The following RFX3 variants were observed in gnomAD, a reference collection of about 807,000 sequenced individuals.
The protein encoded by RFX3 is regulatory factor X3, also known as transcription factor RFX3.
In RFX3, 14 loss-of-function variants were observed where a neutral mutation model predicts 98.6. The ratio of observed to expected loss-of-function variants is 0.14; its 90% CI spans 0.09 to 0.22. The LOEUF (loss-of-function observed/expected upper bound fraction) is 0.22. RFX3 is among the 10% of genes least tolerant of loss of function. The probability of loss-of-function intolerance (pLI) is 1.00; values close to 1 mark genes in which losing one functional copy is unlikely to be tolerated. For missense variants in RFX3, 639 were observed against 926.9 expected (o/e 0.69, Z 4.03); for synonymous variants, 383 against 328.4 (o/e 1.17, Z -1.80).
At chr9:3,423,999 T>C (rs1427252667) in intron 1 of RFX3, among the ~76,000 whole-genome samples, 6 of 151,138 alleles carry the variant, frequency 4.0e-5, no homozygotes, top group African/African-American at 1.2e-4. Context: ...TACAAAAAAT[T>C]AGCCGGGCGT....
intron 1 of RFX3, chr9:3,420,872 T>C (rs1053596852): frequency 3.0e-6 from 3 of 984,914 alleles, no homozygotes; most frequent in East Asian, 1.1e-4. Context: ...GATCCTGATC[T>C]GCACAACCAA....
chr9:3,358,977 C>G (rs1166520310), intron 2 of RFX3, among the ~76,000 whole-genome samples: 2 of 151,668 alleles, frequency 1.3e-5, no homozygotes, highest in Non-Finnish European at 2.9e-5. Flanking sequence ...CCGGTCCCAC[C>G]CTTGACACAT....
At chr9:3,362,669 G>A (rs1169167141) in intron 2 of RFX3, among the ~76,000 whole-genome samples, 1 of 152,306 alleles carries the variant, frequency 6.6e-6, no homozygotes, top group East Asian at 1.9e-4. Flanking sequence ...TGAACTTCTT[G>A]AGAAGAATAA....
chr9:3,388,607 GT>G (rs1459121909), intron 2 of RFX3, among the ~76,000 whole-genome samples: 2 of 151,918 alleles, frequency 1.3e-5, no homozygotes, highest in African/African-American at 2.4e-5. Flanking sequence ...AAAAACAAAT[GT>G]TCTTTCCTGA....
chr9:3,244,825 T>C (rs1820427560), intron 15 of RFX3, among the ~76,000 whole-genome samples: 1 of 152,236 alleles, frequency 6.6e-6, no homozygotes, highest in Admixed American at 6.5e-5. Context: ...TATGTAAATA[T>C]GTATCCCCCA....
intron 2 of RFX3, among the ~76,000 whole-genome samples, chr9:3,355,721 C>A (rs1046457528): frequency 1.3e-5 from 2 of 151,812 alleles, no homozygotes; most frequent in African/African-American, 4.8e-5. Context: ...TATGTAACAA[C>A]AGCAGAACAG....
chr9:3,315,941 G>A (rs970761699), intron 4 of RFX3, among the ~76,000 whole-genome samples: 1 of 152,142 alleles, frequency 6.6e-6, no homozygotes, highest in African/African-American at 2.4e-5. Flanking sequence ...AATTCTACTA[G>A]AGGTACAAAG....
intron 15 of RFX3, among the ~76,000 whole-genome samples, chr9:3,235,626 C>G (rs572239243): frequency 9.2e-4 from 140 of 152,240 alleles, no homozygotes; most frequent in Middle Eastern, 6.8e-3. Context: ...TTTTTTACCT[C>G]TTTTTCAGCT....
At chr9:3,225,375 C>G (rs188304951) in intron 16 of RFX3, 95 bp from the exon 17 acceptor site, 5 of 1,514,500 alleles carry the variant, frequency 3.3e-6, no homozygotes, top group South Asian at 2.6e-5. Context: ...TAGGACATTA[C>G]GAAAGCAACA....
At chr9:3,267,005 G>A (rs1199140726) in intron 11 of RFX3, among the ~76,000 whole-genome samples, 1 of 151,932 alleles carries the variant, frequency 6.6e-6, no homozygotes, top group African/African-American at 2.4e-5. Context: ...CTGAAATAGG[G>A]ATAGGTCCCA....
At chr9:3,283,859 T>A (rs1473266665) in intron 7 of RFX3, among the ~76,000 whole-genome samples, 1 of 151,662 alleles carries the variant, frequency 6.6e-6, no homozygotes. Flanking sequence ...TTTTATTACG[T>A]GTATTTCTGT....
At chr9:3,427,600 T>C (rs1050678987) in intron 1 of RFX3, among the ~76,000 whole-genome samples, 3 of 151,640 alleles carry the variant, frequency 2.0e-5, no homozygotes, top group African/African-American at 7.3e-5. Flanking sequence ...GTATAATTAC[T>C]GTCTAAACAC....
At chr9:3,251,901 T>G (rs377152706) in intron 14 of RFX3, among the ~76,000 whole-genome samples, 1 of 151,994 alleles carries the variant, frequency 6.6e-6, no homozygotes, top group Admixed American at 6.6e-5. Context: ...CAGGCTGGAG[T>G]GCAATGGCAT....
intron 1 of RFX3, among the ~76,000 whole-genome samples, chr9:3,476,170 A>G (rs1179882576): frequency 6.7e-6 from 1 of 149,694 alleles, no homozygotes; most frequent in African/African-American, 2.4e-5. Context: ...ATACTCATAT[A>G]TAATATATAT....
At chr9:3,361,867 A>G (rs1204618802) in intron 2 of RFX3, among the ~76,000 whole-genome samples, 1 of 152,044 alleles carries the variant, frequency 6.6e-6, no homozygotes, top group Non-Finnish European at 1.5e-5. Context: ...GGATTGCTTT[A>G]GCCCGGGAGG....
chr9:3,494,983 G>A (rs1850999916), intron 1 of RFX3, among the ~76,000 whole-genome samples: 1 of 151,948 alleles, frequency 6.6e-6, no homozygotes, highest in African/African-American at 2.4e-5. Context: ...GACAAGTTTG[G>A]TAGTTTAATT....
intron 1 of RFX3, among the ~76,000 whole-genome samples, chr9:3,504,956 ATT>A (rs1192241877): frequency 0.018 from 1,125 of 61,452 alleles, 96 homozygotes; most frequent in African/African-American, 0.082. Flanking sequence ...TATAATATAT[ATT>A]ATATATAATA....
At chr9:3,260,449 T>C (rs1259300109) in intron 13 of RFX3, among the ~76,000 whole-genome samples, 1 of 151,814 alleles carries the variant, frequency 6.6e-6, no homozygotes, top group Non-Finnish European at 1.5e-5. Flanking sequence ...GATACACAAA[T>C]ATATATATAT....
At chr9:3,507,581 T>C (rs1817226480) in intron 1 of RFX3, among the ~76,000 whole-genome samples, 1 of 151,878 alleles carries the variant, frequency 6.6e-6, no homozygotes, top group Non-Finnish European at 1.5e-5. Flanking sequence ...CAATACATAA[T>C]ACAGTTGTCC....
Sources: allele counts gnomAD v4.1 joint callset (sites outside exome capture counted in the v4.1 genomes callset), GRCh38; gene constraint gnomAD v4.1.1; transcripts MANE v1.5; gene names NCBI Gene and HGNC (gene_info 2026-07-23, HGNC 2026-07-21).